ADGB: variants seen among roughly 807,000 people sequenced by gnomAD.
The protein encoded by ADGB is androglobin.
In ADGB, 172 loss-of-function variants were observed where a neutral mutation model predicts 210.5. The ratio of observed to expected loss-of-function variants is 0.82; its 90% CI spans 0.72 to 0.93. ADGB has a LOEUF of 0.93. Ranked by LOEUF, ADGB falls within the 40% of genes least tolerant of loss-of-function variation. The pLI, the probability that ADGB is intolerant of heterozygous loss-of-function variation, is 0.00. For missense variants in ADGB, 2,025 were observed against 1,964.8 expected (o/e 1.03, Z -0.58); for synonymous variants, 658 against 662.7 (o/e 0.99, Z 0.11).
intron 18 of ADGB, chr6:146,725,871 G>T: frequency 9.7e-6 from 4 of 412,298 alleles, no homozygotes; most frequent in Non-Finnish European, 1.3e-5. Context: ...AACTATTTTT[G>T]TCCTACATAA....
At chr6:146,701,839 C>A (rs1776494966) in intron 13 of ADGB, among the ~76,000 whole-genome samples, 1 of 151,926 alleles carries the variant, frequency 6.6e-6, no homozygotes, top group Non-Finnish European at 1.5e-5. Context: ...ACAGGAGTAT[C>A]TGTAGATGGG....
At chr6:146,761,511 C>T (rs79381306) in intron 27 of ADGB, among the ~76,000 whole-genome samples, 2,351 of 152,102 alleles carry the variant, frequency 0.015, 46 homozygotes, top group African/African-American at 0.052. Context: ...TTGGATTGCA[C>T]TGAACTTGGG....
intron 35 of ADGB, among the ~76,000 whole-genome samples, chr6:146,806,448 A>G (rs1202762417): frequency 6.6e-6 from 1 of 152,094 alleles, no homozygotes. Flanking sequence ...ATATGTCACT[A>G]CTATCTTCTA....
chr6:146,808,701 T>C (rs1778250959), intron 35 of ADGB, among the ~76,000 whole-genome samples: 1 of 152,170 alleles, frequency 6.6e-6, no homozygotes, highest in South Asian at 2.1e-4. Context: ...ATTTAAAATA[T>C]TTATTTATTG....
intron 26 of ADGB, among the ~76,000 whole-genome samples, chr6:146,747,835 T>C (rs1301509352): frequency 6.6e-6 from 1 of 150,388 alleles, no homozygotes; most frequent in East Asian, 2.0e-4. Context: ...CTGTATGTAG[T>C]ACAGCGGCAC....
chr6:146,660,543 T>C (rs1775841167), intron 5 of ADGB, among the ~76,000 whole-genome samples: 2 of 152,148 alleles, frequency 1.3e-5, no homozygotes, highest in African/African-American at 2.4e-5. Context: ...ACACTATTCT[T>C]TTCCCTACAC....
At chr6:146,681,224 A>T (rs1402856075) in intron 9 of ADGB, among the ~76,000 whole-genome samples, 1 of 152,102 alleles carries the variant, frequency 6.6e-6, no homozygotes, top group Non-Finnish European at 1.5e-5. Context: ...TGTCTTCATG[A>T]CAGTAAGTTC....
At chr6:146,691,836 C>T (rs1461983835) in intron 11 of ADGB, among the ~76,000 whole-genome samples, 1 of 151,772 alleles carries the variant, frequency 6.6e-6, no homozygotes, top group Non-Finnish European at 1.5e-5. Context: ...TTTAGGGTTA[C>T]AAAAACTTCC....
chr6:146,751,581 T>C (rs1342569430), intron 26 of ADGB, among the ~76,000 whole-genome samples: 4 of 152,134 alleles, frequency 2.6e-5, no homozygotes, highest in African/African-American at 4.8e-5. Flanking sequence ...ATTGAACTAA[T>C]TTACATTCTC....
chr6:146,685,816 A>C lies in ADGB; in HGVS notation c.1299A>C (p.Ser433=). 6.5e-7 allele frequency: 1 copy of C among 1,528,452 alleles called. No homozygotes were observed. Among genetic ancestry groups the C allele is most frequent in the Non-Finnish European group, 8.8e-7 (1 of 1,133,512 alleles). 94.7% of individuals were successfully genotyped at this position (1,528,452 alleles called of 1,614,324 possible). A position where few individuals can be genotyped will look rare whatever the true frequency, so the allele number is the denominator to read the frequency against. The change falls in exon 10 of 36, where the codon TCA becomes TCC. Residue 433 remains serine, a synonymous_variant. Transcript: ENST00000397944. ...ATTTGTTTGAAAACAAGATCTTTTCATTAGAGAAGATGGTAAGCATTCAAG... is the reference window on the plus strand; with the variant it reads ...ATTTGTTTGAAAACAAGATCTTTTCCTTAGAGAAGATGGTAAGCATTCAAG... ...PLYLFENKIF[S]LEKMADSAEK...
At position 146,728,583 on chromosome 6, in the gene ADGB, C is replaced by G. The variant is rs1273673983; in HGVS notation, c.2362C>G (p.Arg788Gly). 1.3e-6 allele frequency: 2 copies of G among 1,550,720 alleles called. No individual in the cohort carries two copies. Among genetic ancestry groups the G allele is most frequent in the Non-Finnish European group, 1.7e-6 (2 of 1,146,424 alleles). ...VLPNFEPESC[R>G]FTEQSLLIMK... ...TGCTTTGTCTTCACAGGAGAGCTGCCGATTTACGGAACAGTCTCTGTTGAT... is the reference window on the plus strand; with the variant it reads ...TGCTTTGTCTTCACAGGAGAGCTGCGGATTTACGGAACAGTCTCTGTTGAT... Residue 788 changes from arginine to glycine, a missense_variant, in exon 20 of 36, where the codon CGA becomes GGA. Arg to Gly is a moderately radical substitution (Grantham distance 125). Transcript: ENST00000397944.
At chr6:146,655,847 T>G (rs1775771723) in intron 4 of ADGB, among the ~76,000 whole-genome samples, 1 of 152,156 alleles carries the variant, frequency 6.6e-6, no homozygotes, top group South Asian at 2.1e-4. Flanking sequence ...AAGAATTTCC[T>G]AGATAACTCA....
intron 29 of ADGB, among the ~76,000 whole-genome samples, chr6:146,777,388 A>C (rs937254187): frequency 4.6e-5 from 7 of 152,080 alleles, no homozygotes; most frequent in Admixed American, 4.6e-4. Context: ...TTTTCCCCTC[A>C]CCACTTCCAT....
In ADGB at chr6:146,644,798, A is replaced by G; in HGVS notation, c.263A>G (p.Lys88Arg). 6.7e-7 allele frequency: 1 copy of G among 1,485,520 alleles called. No homozygotes were observed. The highest frequency in any genetic ancestry group is 9.0e-7 in the Non-Finnish European group (1 of 1,116,928). 92.0% of individuals were successfully genotyped at this position (1,485,520 alleles called of 1,614,324 possible). A position where few individuals can be genotyped will look rare whatever the true frequency, so the allele number is the denominator to read the frequency against. The change falls in exon 3 of 36, where the codon AAG becomes AGG. Residue 88 changes from lysine (K) to arginine (R), a missense_variant. Coordinates refer to ENST00000397944, the MANE Select transcript of ADGB (RefSeq NM_024694.4). ...VFHFFEDPEG[K>R]IELPPSLKIY... ...CATTTTTTTGAGGACCCTGAAGGAA[A>G]GATTGAGTTACCACCATCCTTGAAA...
chr6:146,668,087 T>A (rs1361659299), intron 7 of ADGB, among the ~76,000 whole-genome samples: 2 of 152,124 alleles, frequency 1.3e-5, no homozygotes, highest in Non-Finnish European at 2.9e-5. Context: ...AATTTCACGA[T>A]CGTTTTATTT....
chr6:146,739,456 G>A (rs1262914239), intron 23 of ADGB, among the ~76,000 whole-genome samples: 2 of 152,094 alleles, frequency 1.3e-5, no homozygotes, highest in East Asian at 3.9e-4. Flanking sequence ...AGGATAGATG[G>A]TTACCCTATT....
At chr6:146,611,207 C>G (rs542487907) in intron 1 of ADGB, among the ~76,000 whole-genome samples, 64 of 151,988 alleles carry the variant, frequency 4.2e-4, no homozygotes, top group African/African-American at 1.5e-3. Context: ...GCATCTGAGG[C>G]TGTGCTGCAA....
At chr6:146,812,986 C>T (rs1336138408) in intron 35 of ADGB, among the ~76,000 whole-genome samples, 3 of 152,138 alleles carry the variant, frequency 2.0e-5, no homozygotes, top group Non-Finnish European at 4.4e-5. Flanking sequence ...TTCCCTTTGG[C>T]GTAATGAGTT....
At chr6:146,678,275 G>A (rs1279169769) in intron 9 of ADGB, among the ~76,000 whole-genome samples, 1 of 152,194 alleles carries the variant, frequency 6.6e-6, no homozygotes, top group African/African-American at 2.4e-5. Context: ...CGCCCAGGCT[G>A]GAGTGCAGTG....
Sources: gnomAD v4.1 joint callset for allele counts (sites outside exome capture counted in the v4.1 genomes callset) on GRCh38, gnomAD v4.1.1 for gene constraint, MANE v1.5 for transcripts, NCBI Gene and HGNC (gene_info 2026-07-23, HGNC 2026-07-21) for gene names.